Variants in NRXN3 observed in about 807,000 individuals in gnomAD.
The protein encoded by NRXN3 is neurexin III.
Under a neutral mutation model 137.6 loss-of-function variants are expected in NRXN3, and 32 were observed. That is an observed-to-expected ratio of 0.23 (90% CI 0.18 to 0.31). The LOEUF is 0.31. Among genes scored for constraint, NRXN3 ranks in the 10% least tolerant of loss-of-function variants. The pLI, the probability that NRXN3 is intolerant of heterozygous loss-of-function variation, is 1.00. For synonymous variants in NRXN3, 798 were observed against 784.5 expected (o/e 1.02, Z -0.29); for missense variants, 1,574 against 2,062.5 (o/e 0.76, Z 4.59).
chr14:78,907,669 A>T (rs1414118078), intron 10 of NRXN3, among the ~76,000 whole-genome samples: 4 of 152,084 alleles, frequency 2.6e-5, no homozygotes, highest in African/African-American at 9.7e-5. Context: ...GTCCAGGGGC[A>T]TAAGTGTAAG....
At chr14:78,200,586 A>T (rs2061587976) in intron 1 of NRXN3, among the ~76,000 whole-genome samples, 1 of 152,202 alleles carries the variant, frequency 6.6e-6, no homozygotes, top group South Asian at 2.1e-4. Flanking sequence ...ATAGCTGTAG[A>T]GTATGCTGGG....
intron 15 of NRXN3, among the ~76,000 whole-genome samples, chr14:79,203,081 C>A (rs1428392909): frequency 6.6e-6 from 1 of 152,058 alleles, no homozygotes; most frequent in Non-Finnish European, 1.5e-5. Context: ...TACCAGAAAA[C>A]TCCTCCTGTT....
chr14:78,681,679 A>G (rs2098077248), intron 6 of NRXN3, among the ~76,000 whole-genome samples: 1 of 152,204 alleles, frequency 6.6e-6, no homozygotes, highest in African/African-American at 2.4e-5. Flanking sequence ...TACACCTCCC[A>G]AAGCAGATGA....
chr14:78,429,429 GCTTT>G (rs1024498245), intron 4 of NRXN3, among the ~76,000 whole-genome samples: 28 of 152,090 alleles, frequency 1.8e-4, no homozygotes, highest in African/African-American at 6.8e-4. Flanking sequence ...TAGTTCCTCA[GCTTT>G]CTTCTTTTTA....
intron 8 of NRXN3, among the ~76,000 whole-genome samples, chr14:78,768,016 C>A (rs2098714467): frequency 7.2e-6 from 1 of 138,636 alleles, no homozygotes; most frequent in South Asian, 2.3e-4. Flanking sequence ...CAGGAAAAAT[C>A]AAATCAAATA....
intron 15 of NRXN3, among the ~76,000 whole-genome samples, chr14:79,148,103 C>G (rs1384998421): frequency 6.6e-6 from 1 of 152,136 alleles, no homozygotes; most frequent in Non-Finnish European, 1.5e-5. Context: ...AAAAAATATG[C>G]AGGGCCCCTC....
intron 20 of NRXN3, among the ~76,000 whole-genome samples, chr14:79,812,196 G>A (rs1192249930): frequency 6.6e-6 from 1 of 151,996 alleles, no homozygotes; most frequent in Non-Finnish European, 1.5e-5. Flanking sequence ...AGCGAGGCAG[G>A]GGAATCCATA....
At position 79,643,443 on chromosome 14, in the gene NRXN3, C is replaced by T. The variant is rs117111411; in HGVS notation, c.3445-20335C>T. 1.5e-5 allele frequency among the ~76,000 whole-genome samples: 2 copies of T among 134,938 alleles called. 1 individual carries two copies. Among genetic ancestry groups the T allele is most frequent in the Admixed American group, 1.6e-4 (2 of 12,686 alleles). The allele number at this position is 134,938 out of a possible 152,430, so 88.5% of individuals were successfully genotyped here. The stretch of plus-strand genomic sequence containing the variant: ...CTGTTATAATTCCTCTCCTCTGCTT[C>T]TTCCCCAGCTGCTCAGAACATACTG... On this transcript the variant is annotated intron_variant, in intron 16 of 20. Transcript: ENST00000335750.
At chr14:78,995,428 A>G (rs1327837725) in intron 15 of NRXN3, among the ~76,000 whole-genome samples, 1 of 152,196 alleles carries the variant, frequency 6.6e-6, no homozygotes, top group Non-Finnish European at 1.5e-5. Context: ...CTAATGTGTA[A>G]TGGGGTGGCC....
chr14:78,925,457 A>G (rs2099285180), intron 10 of NRXN3, among the ~76,000 whole-genome samples: 1 of 152,184 alleles, frequency 6.6e-6, no homozygotes, highest in Non-Finnish European at 1.5e-5. Flanking sequence ...TTATTTACAC[A>G]TGTGCAAAAC....
chr14:79,510,781 C>G (rs1024733902), intron 16 of NRXN3, among the ~76,000 whole-genome samples: 2 of 152,106 alleles, frequency 1.3e-5, no homozygotes, highest in Non-Finnish European at 2.9e-5. Context: ...ATCACTGAAG[C>G]CTTTTGAGAA....
At chr14:79,806,938 T>A (rs867919376) in intron 20 of NRXN3, among the ~76,000 whole-genome samples, 2 of 58,046 alleles carry the variant, frequency 3.4e-5, no homozygotes, top group South Asian at 8.8e-4. Flanking sequence ...GGCTTTAATT[T>A]TATATATATA....
At chr14:78,256,030 A>G (rs1270036931) in intron 2 of NRXN3, among the ~76,000 whole-genome samples, 1 of 152,220 alleles carries the variant, frequency 6.6e-6, no homozygotes, top group Non-Finnish European at 1.5e-5. Context: ...TGTGTCAAGC[A>G]CATACACATT....
chr14:78,646,634 C>G (rs2097690698), intron 5 of NRXN3, among the ~76,000 whole-genome samples: 1 of 152,178 alleles, frequency 6.6e-6, no homozygotes, highest in South Asian at 2.1e-4. Context: ...CATTTCCACA[C>G]TTAGGTATGT....
chr14:78,312,585 A>ATT (rs61609923), intron 4 of NRXN3, among the ~76,000 whole-genome samples: 2,471 of 150,226 alleles, frequency 0.016, 57 homozygotes, highest in African/African-American at 0.055. Flanking sequence ...AAAAAGAAAC[A>ATT]TTTTTTTTTT....
intron 1 of NRXN3, among the ~76,000 whole-genome samples, chr14:78,172,106 C>T (rs962077265): frequency 6.6e-6 from 1 of 152,040 alleles, no homozygotes; most frequent in African/African-American, 2.4e-5. Context: ...CTGTGGATGG[C>T]CCTGGGAGGG....
At chr14:78,824,409 C>T (rs531356123) in intron 10 of NRXN3, among the ~76,000 whole-genome samples, 3 of 152,268 alleles carry the variant, frequency 2.0e-5, no homozygotes, top group Admixed American at 2.0e-4. Flanking sequence ...GGGAAATGCA[C>T]TATTCATCAT....
chr14:79,590,530 A>G (rs1488503700), intron 16 of NRXN3, among the ~76,000 whole-genome samples: 1 of 151,420 alleles, frequency 6.6e-6, no homozygotes, highest in South Asian at 2.1e-4. Flanking sequence ...GTTGAAGAGT[A>G]TGTCACATGT....
chr14:79,734,160 A>G (rs536998067), intron 19 of NRXN3, among the ~76,000 whole-genome samples: 9 of 152,336 alleles, frequency 5.9e-5, no homozygotes, highest in Non-Finnish European at 2.9e-5. Flanking sequence ...TTTTTCCTCT[A>G]AATAGCTTTG....
Sources: allele counts gnomAD v4.1 joint callset (sites outside exome capture counted in the v4.1 genomes callset), GRCh38; gene constraint gnomAD v4.1.1; transcripts MANE v1.5; gene names NCBI Gene and HGNC (gene_info 2026-07-23, HGNC 2026-07-21).